TG: variants seen among roughly 807,000 people sequenced by gnomAD.
The protein encoded by TG is thyroid hormones.
In TG, 270 loss-of-function variants were observed where a neutral mutation model predicts 324.7. That is an observed-to-expected ratio of 0.83 (90% CI 0.75 to 0.92). TG has a LOEUF of 0.92. TG is among the 40% of genes least tolerant of loss of function. The pLI, the probability that TG is intolerant of heterozygous loss-of-function variation, is 0.00. For missense variants in TG, 3,591 were observed against 3,456.4 expected, an observed-to-expected ratio of 1.04 and a Z score of -0.98; for synonymous variants, 1,401 against 1,327.0, an observed-to-expected ratio of 1.06 and a Z score of -1.21.
At chr8:133,127,477 C>T (rs111552535) in intron 45 of TG, among the ~76,000 whole-genome samples, 116 of 152,258 alleles carry the variant, frequency 7.6e-4, no homozygotes, top group African/African-American at 2.6e-3. Context: ...ACAGTTGCAG[C>T]GACCCTAGGA....
In TG at chr8:132,945,655, G is replaced by T. The variant is rs543161426; in HGVS notation, c.5234-3121G>T. On this transcript the variant is annotated intron_variant, in intron 26 of 47. Transcript: ENST00000220616. ...TTCTAGGAGGAGGGTGCAGAATGAG[G>T]AGATAAAGGGGGATGGAGCTGATCT... is the stretch of plus-strand genomic sequence containing the variant. Among the ~76,000 whole-genome samples the T allele has an allele frequency of 9.2e-5, 14 of 152,292 alleles. No homozygotes were observed. In the South Asian group the frequency reaches 2.9e-3, roughly 32 times the overall value.
chr8:132,998,730 T>G (rs1264608209), intron 35 of TG, among the ~76,000 whole-genome samples: 1 of 152,190 alleles, frequency 6.6e-6, no homozygotes, highest in African/African-American at 2.4e-5. Context: ...TATCAGCAAG[T>G]GCAGCTTAGG....
chr8:133,070,359 C>T (rs1843814170), intron 41 of TG, among the ~76,000 whole-genome samples: 1 of 152,172 alleles, frequency 6.6e-6, no homozygotes, highest in Non-Finnish European at 1.5e-5. Flanking sequence ...GAACAGTTGC[C>T]CACAGGCCTC....
At chr8:132,872,745 T>C (rs976594816) in intron 4 of TG, among the ~76,000 whole-genome samples, 21 of 152,190 alleles carry the variant, frequency 1.4e-4, no homozygotes, top group African/African-American at 5.1e-4. Context: ...GTACCGTTTC[T>C]ATGCTTAGGT....
chr8:133,038,431 C>A, intron 41 of TG: 1 of 968,046 alleles, frequency 1.0e-6, no homozygotes, highest in East Asian at 2.4e-5. Context: ...CGTGAGGCTC[C>A]CAGGGATCAG....
intron 41 of TG, among the ~76,000 whole-genome samples, chr8:133,051,839 T>C (rs1002099163): frequency 1.3e-5 from 2 of 152,234 alleles, no homozygotes; most frequent in African/African-American, 2.4e-5. Flanking sequence ...GCTATGACTT[T>C]CATCACTCCA....
chr8:133,049,078 C>G, intron 41 of TG: 1 of 440,644 alleles, frequency 2.3e-6, no homozygotes, highest in Non-Finnish European at 4.6e-6. Context: ...GGAGGTGAAG[C>G]GACTTTTACA....
At chr8:132,966,384 G>A (rs959640286) in intron 29 of TG, among the ~76,000 whole-genome samples, 176 bp from the exon 30 acceptor site, 3 of 152,064 alleles carry the variant, frequency 2.0e-5, no homozygotes, top group African/African-American at 7.2e-5. Context: ...CAGCTCTACT[G>A]ACTTCAATCC....
At position 132,920,203 on chromosome 8, in the gene TG, C is replaced by T. The variant is rs534391608; in HGVS notation, c.4528+678C>T. On this transcript the variant is annotated intron_variant, in intron 21 of 47. Coordinates refer to ENST00000220616, the MANE Select transcript of TG (RefSeq NM_003235.5). Reference sequence around the variant, plus strand: ...TTCCCATATGTCACGTGATTTCACTCGACCTACTTACTTAATAGTCCCCTG... The same window carrying T: ...TTCCCATATGTCACGTGATTTCACTTGACCTACTTACTTAATAGTCCCCTG... 4.6e-4 allele frequency among the ~76,000 whole-genome samples: 70 copies of T among 152,284 alleles called. 1 individual carries two copies. In the South Asian group the frequency reaches 0.014, roughly 30 times the overall value.
chr8:132,963,783 G>T (rs1247858488), intron 29 of TG, among the ~76,000 whole-genome samples: 1 of 151,914 alleles, frequency 6.6e-6, no homozygotes, highest in Non-Finnish European at 1.5e-5. Context: ...AGAAGAGGGA[G>T]AGCCAGATCA....
chr8:132,867,030 G>A lies in TG; in HGVS notation c.30G>A (p.Leu10=). MALVLEIFT[L]LASICWVSAN... ...CCCTGGTCCTGGAGATCTTCACCCT[G>A]CTGGCCTCCATCTGCTGGGTGTCGG... The change falls in exon 1 of 48, where the codon CTG becomes CTA. Residue 10 remains leucine, a synonymous_variant. Coordinates refer to ENST00000220616, the MANE Select transcript of TG (RefSeq NM_003235.5). 1 of 1,601,616 alleles carries A rather than the reference G, an allele frequency of 6.2e-7. No homozygotes were observed. Among genetic ancestry groups the A allele is most frequent in the Non-Finnish European group, 8.5e-7 (1 of 1,173,070 alleles).
At chr8:132,956,452 G>A (rs920626948) in intron 27 of TG, among the ~76,000 whole-genome samples, 16 of 152,210 alleles carry the variant, frequency 1.1e-4, no homozygotes, top group African/African-American at 3.4e-4. Context: ...GAGGACGGGG[G>A]TGTGTGACCA....
intron 37 of TG, among the ~76,000 whole-genome samples, chr8:133,015,779 C>T (rs951240238): frequency 6.6e-6 from 1 of 152,170 alleles, no homozygotes; most frequent in East Asian, 1.9e-4. Context: ...CAAGGAGGAA[C>T]TATGGGGTGA....
intron 41 of TG, among the ~76,000 whole-genome samples, chr8:133,069,812 C>G (rs1843681266): frequency 6.6e-6 from 1 of 151,686 alleles, no homozygotes; most frequent in African/African-American, 2.4e-5. Flanking sequence ...ACCAGCCCGG[C>G]CAACATGGCA....
intron 41 of TG, among the ~76,000 whole-genome samples, chr8:133,088,331 C>T (rs1846948056): frequency 6.6e-6 from 1 of 152,200 alleles, no homozygotes; most frequent in Non-Finnish European, 1.5e-5. Flanking sequence ...TGGCCATCCA[C>T]CAGCCGCTCA....
chr8:133,008,092 G>A (rs1834182476), intron 35 of TG, among the ~76,000 whole-genome samples: 1 of 151,890 alleles, frequency 6.6e-6, no homozygotes, highest in African/African-American at 2.4e-5. Context: ...ATTCTTAATG[G>A]CATCAAATAT....
At chr8:132,965,054 C>T in intron 29 of TG, 2 of 653,324 alleles carry the variant, frequency 3.1e-6, no homozygotes, top group Non-Finnish European at 5.5e-6. Flanking sequence ...GAGGGGCAAT[C>T]TGTGATTTCC....
intron 45 of TG, among the ~76,000 whole-genome samples, chr8:133,123,127 G>A (rs1346339849): frequency 1.3e-5 from 2 of 152,026 alleles, no homozygotes; most frequent in Non-Finnish European, 2.9e-5. Context: ...GTTCCCTGGG[G>A]ACACAATCCT....
chr8:133,049,113 G>A (rs1489173213), intron 41 of TG: 5 of 455,078 alleles, frequency 1.1e-5, no homozygotes, highest in Admixed American at 9.4e-5. Context: ...AAGGAAGGAA[G>A]CCAAGATTTG....
Sources: gnomAD v4.1 joint callset for allele counts (sites outside exome capture counted in the v4.1 genomes callset) on GRCh38, gnomAD v4.1.1 for gene constraint, MANE v1.5 for transcripts, NCBI Gene and HGNC (gene_info 2026-07-23, HGNC 2026-07-21) for gene names.